Variants in BRCA1 observed in about 807,000 individuals in gnomAD.
BRCA1 encodes BRCA1 DNA repair associated, also known as breast cancer type 1 susceptibility protein.
In BRCA1, 140 loss-of-function variants were observed where a neutral mutation model predicts 173.7. That is an observed-to-expected ratio of 0.81 (90% CI 0.70 to 0.93). The LOEUF (loss-of-function observed/expected upper bound fraction) is 0.93. Ranked by LOEUF, BRCA1 falls within the 40% of genes least tolerant of loss-of-function variation. The probability of loss-of-function intolerance (pLI) is 0.00; values close to 1 mark genes in which losing one functional copy is unlikely to be tolerated. For missense variants in BRCA1, 1,983 were observed against 2,172.5 expected, an observed-to-expected ratio of 0.91 and a Z score of 1.73; for synonymous variants, 662 against 756.0, an observed-to-expected ratio of 0.88 and a Z score of 2.04.
chr17:43,048,980 G>T, intron 21 of BRCA1, 141 bp downstream of exon 21: 1 of 766,430 alleles, frequency 1.3e-6, no homozygotes. Context: ...CCTTACAGAT[G>T]GAGTCTTTTG....
upstream of BRCA1, chr17:43,125,836 GGA>G (rs1567824960): frequency 6.4e-6 from 1 of 155,686 alleles, no homozygotes; most frequent in Admixed American, 6.4e-5. Context: ...CATGCGTTGC[GGA>G]ATGAAAGGTC....
intron 1 of BRCA1, among the ~76,000 whole-genome samples, chr17:43,149,085 C>T (rs867932820): frequency 2.6e-5 from 4 of 151,798 alleles, no homozygotes; most frequent in African/African-American, 9.7e-5. Flanking sequence ...CCCGCCACCA[C>T]CCAATTAACT....
intron 2 of BRCA1, among the ~76,000 whole-genome samples, chr17:43,118,733 G>C (rs1040900059): frequency 1.3e-5 from 2 of 151,322 alleles, no homozygotes. Flanking sequence ...TACTATACCC[G>C]GCCTTTAGCT....
chr17:43,063,435 A>G (rs2153571539), intron 17 of BRCA1, 62 bp from the exon 18 acceptor site: 5 of 1,388,176 alleles, frequency 3.6e-6, no homozygotes, highest in Non-Finnish European at 5.1e-6. Flanking sequence ...TTTCACGGAG[A>G]TAGAGAGGTC....
intron 1 of BRCA1, chr17:43,142,676 A>G (rs1191087036): frequency 6.6e-6 from 1 of 152,226 alleles, no homozygotes; most frequent in Admixed American, 6.5e-5. Flanking sequence ...AGGATTTGGC[A>G]TCAAGTAAGC....
At chr17:43,075,040 GA>G (rs1268260433) in intron 13 of BRCA1, among the ~76,000 whole-genome samples, 2 of 148,414 alleles carry the variant, frequency 1.3e-5, no homozygotes, top group Non-Finnish European at 3.0e-5. Flanking sequence ...AAGAAGGAAG[GA>G]AGGGAGGGAA....
intron 1 of BRCA1, among the ~76,000 whole-genome samples, chr17:43,150,382 G>T (rs2056152998): frequency 6.6e-6 from 1 of 152,154 alleles, no homozygotes; most frequent in African/African-American, 2.4e-5. Flanking sequence ...TTACAGGTGT[G>T]AGCCACTAGG....
chr17:43,114,002 G>C (rs1245983241), intron 3 of BRCA1, among the ~76,000 whole-genome samples: 1 of 150,876 alleles, frequency 6.6e-6, no homozygotes, highest in Non-Finnish European at 1.5e-5. Context: ...TTGAACCCAG[G>C]AGGTGGAGGT....
At chr17:43,096,131 C>G (rs2054126048) in intron 8 of BRCA1, among the ~76,000 whole-genome samples, 1 of 152,184 alleles carries the variant, frequency 6.6e-6, no homozygotes, top group South Asian at 2.1e-4. Context: ...AATTCCAGCA[C>G]TTTGGGAGGC....
chr17:43,125,015 C>T, intron 1 of BRCA1: 1 of 399,022 alleles, frequency 2.5e-6, no homozygotes, highest in Non-Finnish European at 5.1e-6. Flanking sequence ...ATAGTGTCCC[C>T]CTCAAGGCAT....
At chr17:43,118,702 G>A (rs2055408981) in intron 2 of BRCA1, among the ~76,000 whole-genome samples, 1 of 151,664 alleles carries the variant, frequency 6.6e-6, no homozygotes, top group South Asian at 2.1e-4. Flanking sequence ...TTCCCAAAGT[G>A]CTGGGATTAC....
chr17:43,096,482 G>A (rs2054144083), intron 8 of BRCA1, among the ~76,000 whole-genome samples: 1 of 149,602 alleles, frequency 6.7e-6, no homozygotes, highest in African/African-American at 2.5e-5. Context: ...TGAGACAGGA[G>A]AATCGCTTGA....
Position 43,060,037 on chromosome 17 carries a change from C to T in BRCA1, c.5194-2902G>A, listed in dbSNP as rs914761940. Among the ~76,000 whole-genome samples, 16 of 152,088 alleles carry T rather than the reference C, an allele frequency of 1.1e-4. 1 individual carries two copies. The highest frequency in any genetic ancestry group is 3.9e-4 in the African/African-American group (16 of 41,426). ...TCTCCTGCCCCAGCCTCCCAAGTAG[C>T]TGTGATTACAGGCACATGCCACCAT... is the stretch of plus-strand genomic sequence containing the variant. On this transcript the variant is annotated intron_variant, in intron 18 of 22. Transcript: ENST00000357654.
At chr17:43,115,936 G>A (rs918773488) in intron 2 of BRCA1, among the ~76,000 whole-genome samples, 157 bp from the exon 3 acceptor site, 1 of 152,166 alleles carries the variant, frequency 6.6e-6, no homozygotes, top group East Asian at 1.9e-4. Context: ...TGTCTGCTGT[G>A]TCAGGAACTG....
At chr17:43,072,658 A>T (rs569556577) in intron 14 of BRCA1, among the ~76,000 whole-genome samples, 1 of 148,526 alleles carries the variant, frequency 6.7e-6, no homozygotes, top group Admixed American at 6.7e-5. Context: ...TCTGCCTCCC[A>T]GGTTCAAGCG....
intron 1 of BRCA1, chr17:43,163,395 T>C (rs2056248728): frequency 6.6e-6 from 1 of 152,268 alleles, no homozygotes; most frequent in Non-Finnish European, 1.5e-5. Flanking sequence ...AACCTCGTTG[T>C]TGTTGGTTGT....
intron 19 of BRCA1, among the ~76,000 whole-genome samples, chr17:43,055,945 A>C (rs542235377): frequency 1.8e-4 from 28 of 152,284 alleles, no homozygotes; most frequent in African/African-American, 6.5e-4. Context: ...GGCCCGAAAA[A>C]TAAATTAACA....
intron 2 of BRCA1, among the ~76,000 whole-genome samples, chr17:43,123,347 A>ATT (rs2055674482): frequency 7.5e-6 from 1 of 132,918 alleles, no homozygotes; most frequent in African/African-American, 2.9e-5. Context: ...CCGATCATCC[A>ATT]TGTTTTTTTT....
intron 1 of BRCA1, among the ~76,000 whole-genome samples, chr17:43,148,079 C>T (rs2056134992): frequency 6.6e-6 from 1 of 152,182 alleles, no homozygotes; most frequent in South Asian, 2.1e-4. Flanking sequence ...GCAGTTTCCT[C>T]ACTGACAAAT....
Sources: gnomAD v4.1 joint callset for allele counts (sites outside exome capture counted in the v4.1 genomes callset) on GRCh38, gnomAD v4.1.1 for gene constraint, MANE v1.5 for transcripts, NCBI Gene and HGNC (gene_info 2026-07-23, HGNC 2026-07-21) for gene names.